Variants in DLEU7 observed in about 807,000 individuals in gnomAD.
The protein encoded by DLEU7 is deleted in lymphocytic leukemia 7, also known as leukemia-associated protein 7.
In DLEU7, 17 loss-of-function variants were observed where a neutral mutation model predicts 16.0. The ratio of observed to expected loss-of-function variants is 1.06; its 90% CI spans 0.73 to 1.59. The LOEUF (loss-of-function observed/expected upper bound fraction) is 1.59. Ranked by LOEUF, DLEU7 falls within the 40% of genes most tolerant of loss-of-function variation. The pLI is 0.00. For synonymous variants in DLEU7, 113 were observed against 139.8 expected (o/e 0.81, Z 1.35); for missense variants, 308 against 314.9 (o/e 0.98, Z 0.17).
intron 1 of DLEU7, among the ~76,000 whole-genome samples, chr13:50,745,002 A>G (rs1874354066): frequency 6.6e-6 from 1 of 152,176 alleles, no homozygotes; most frequent in Non-Finnish European, 1.5e-5. Context: ...ATGGAAAACA[A>G]TGTGGTGGTT....
intron 1 of DLEU7, among the ~76,000 whole-genome samples, chr13:50,741,865 AGT>A (rs1874258843): frequency 6.6e-6 from 1 of 152,174 alleles, no homozygotes; most frequent in South Asian, 2.1e-4. Flanking sequence ...CTTTTCTTTC[AGT>A]TTTTGCATGG....
intron 1 of DLEU7, among the ~76,000 whole-genome samples, chr13:50,727,197 C>G (rs893475083): frequency 6.7e-6 from 1 of 149,644 alleles, no homozygotes; most frequent in African/African-American, 2.5e-5. Context: ...ATAAGAAGTT[C>G]TGTACGCTCT....
In DLEU7 at chr13:50,806,976, CAAAAAAA is replaced by C. The variant is rs556761618; in HGVS notation, c.459+36205_459+36211del. Among the ~76,000 whole-genome samples, 6 of 54,190 alleles carry C rather than the reference CAAAAAAA, an allele frequency of 1.1e-4. No individual in the cohort carries two copies. In the East Asian group the frequency reaches 3.1e-3, roughly 28 times the overall value. 35.6% of individuals were successfully genotyped at this position (54,190 alleles called of 152,430 possible). ...TGGGTGACAGAGCTAGACTCCCTCTCAAAAAAAAAAAAAAAAAAAAAAGTCGGTCTGC... is the reference window on the plus strand; with the variant it reads ...TGGGTGACAGAGCTAGACTCCCTCTCAAAAAAAAAAAAAAAGTCGGTCTGC... On this transcript the variant is annotated intron_variant, in intron 1 of 1. Coordinates refer to the DLEU7 transcript ENST00000400393.
chr13:50,790,277 A>G (rs1379989997), intron 1 of DLEU7, among the ~76,000 whole-genome samples: 7 of 152,160 alleles, frequency 4.6e-5, no homozygotes, highest in African/African-American at 1.4e-4. Flanking sequence ...GTCCATTACT[A>G]TCAATATCTC....
At chr13:50,711,772 C>CCGGCGGGGGGG, downstream of DLEU7, 1 of 72,928 alleles carries the variant, frequency 1.4e-5, no homozygotes, top group African/African-American at 3.9e-5. Flanking sequence ...GACCCAGTGG[C>CCGGCGGGGGGG]GGGGGCGGGG....
chr13:50,753,746 G>A (rs1874664337), intron 1 of DLEU7, among the ~76,000 whole-genome samples: 1 of 152,216 alleles, frequency 6.6e-6, no homozygotes, highest in Admixed American at 6.5e-5. Context: ...TCCCAGAAAG[G>A]GGCTCCCACA....
At chr13:50,827,504 C>A (rs1308142451) in intron 1 of DLEU7, among the ~76,000 whole-genome samples, 2 of 149,492 alleles carry the variant, frequency 1.3e-5, no homozygotes, top group African/African-American at 5.0e-5. Context: ...CATGGCAAAA[C>A]CCTGTCTCTA....
At chr13:50,812,294 G>A (rs1379175325) in intron 1 of DLEU7, among the ~76,000 whole-genome samples, 1 of 152,072 alleles carries the variant, frequency 6.6e-6, no homozygotes, top group Non-Finnish European at 1.5e-5. Context: ...GACCTGAGGG[G>A]CCCCCGTGGA....
intron 1 of DLEU7, among the ~76,000 whole-genome samples, chr13:50,764,245 C>T (rs190939561): frequency 3.3e-5 from 5 of 152,322 alleles, no homozygotes; most frequent in Admixed American, 3.3e-4. Context: ...TTACAAGTTG[C>T]ATCATAACAT....
chr13:50,752,298 A>G (rs1874592823), intron 1 of DLEU7, among the ~76,000 whole-genome samples: 1 of 151,960 alleles, frequency 6.6e-6, no homozygotes. Context: ...TGATCCACCC[A>G]TCTCGGCCTC....
intron 1 of DLEU7, among the ~76,000 whole-genome samples, chr13:50,747,332 CTG>C (rs3039979): frequency 0.026 from 3,621 of 137,660 alleles, 55 homozygotes; most frequent in South Asian, 0.046. Context: ...AAGAAAAACT[CTG>C]TGTGTGTGTG....
chr13:50,796,760 C>T (rs1177054039), intron 1 of DLEU7, among the ~76,000 whole-genome samples: 1 of 152,024 alleles, frequency 6.6e-6, no homozygotes, highest in Non-Finnish European at 1.5e-5. Context: ...CCTTGCTCTT[C>T]CACCACCCTC....
At chr13:50,780,192 C>G (rs1471006824) in intron 1 of DLEU7, among the ~76,000 whole-genome samples, 3 of 152,100 alleles carry the variant, frequency 2.0e-5, no homozygotes, top group Non-Finnish European at 4.4e-5. Flanking sequence ...CTGCAGCCCC[C>G]CTCATTCCAG....
intron 1 of DLEU7, among the ~76,000 whole-genome samples, chr13:50,837,993 G>A (rs924811970): frequency 6.6e-6 from 1 of 152,162 alleles, no homozygotes; most frequent in African/African-American, 2.4e-5. Flanking sequence ...GCGGAAAGGG[G>A]GCAGTAGAAA....
intron 1 of DLEU7, among the ~76,000 whole-genome samples, chr13:50,751,387 T>C (rs1874558836): frequency 6.6e-6 from 1 of 152,156 alleles, no homozygotes; most frequent in South Asian, 2.1e-4. Flanking sequence ...CAGTCTGTAG[T>C]TTTCTTTTTT....
chr13:50,839,570 G>A (rs1440001045), intron 1 of DLEU7, among the ~76,000 whole-genome samples: 1 of 152,128 alleles, frequency 6.6e-6, no homozygotes, highest in Non-Finnish European at 1.5e-5. Flanking sequence ...GTCACTCACT[G>A]GTGACACCTC....
At position 50,765,683 on chromosome 13, in the gene DLEU7, T is replaced by C. The variant is rs1325086523; in HGVS notation, c.460-52443A>G. Among the ~76,000 whole-genome samples, 4 of 150,948 alleles carry C rather than the reference T, an allele frequency of 2.6e-5. No individual in the cohort carries two copies. The South Asian group carries it at 6.4e-4, about 24-fold the overall frequency. On this transcript the variant is annotated intron_variant, in intron 1 of 1. Coordinates refer to the DLEU7 transcript ENST00000400393. ...GTAGAAGACACCGAGAACACAGATA[T>C]GTTAAAATGACACTAGAATGAAAGT... is the stretch of plus-strand genomic sequence containing the variant.
intron 1 of DLEU7, among the ~76,000 whole-genome samples, chr13:50,725,970 T>G (rs1873752096): frequency 6.6e-6 from 1 of 152,234 alleles, no homozygotes; most frequent in African/African-American, 2.4e-5. Context: ...TTTTCTCATT[T>G]ACTTATCATC....
chr13:50,774,302 A>C (rs1052474063), intron 1 of DLEU7, among the ~76,000 whole-genome samples: 1 of 152,116 alleles, frequency 6.6e-6, no homozygotes, highest in Non-Finnish European at 1.5e-5. Flanking sequence ...CAGTGAGATG[A>C]ACCAGCTACT....
Sources: gnomAD v4.1 joint callset for allele counts (sites outside exome capture counted in the v4.1 genomes callset) on GRCh38, gnomAD v4.1.1 for gene constraint, MANE v1.5 for transcripts, NCBI Gene and HGNC (gene_info 2026-07-23, HGNC 2026-07-21) for gene names.